Variants in PAPPA2 observed in about 807,000 individuals in gnomAD.
PAPPA2 encodes pappalysin 2.
A neutral mutation model predicts 176.4 loss-of-function variants in PAPPA2; 86 were observed. That is an observed-to-expected ratio of 0.49 (90% CI 0.41 to 0.58). The LOEUF is 0.58. Ranked by LOEUF, PAPPA2 falls within the 20% of genes least tolerant of loss-of-function variation. The probability of loss-of-function intolerance (pLI) is 0.00; values close to 1 mark genes in which losing one functional copy is unlikely to be tolerated. For missense variants in PAPPA2, 2,073 were observed against 2,256.9 expected (o/e 0.92, Z 1.65); for synonymous variants, 809 against 852.2 (o/e 0.95, Z 0.88).
chr1:176,550,032 C>T lies in PAPPA2; in HGVS notation c.-916-5375C>T, dbSNP rs76757896. ...TCCCCAACCTTCAGCCCTTAGTAAC[C>T]ACTGATCCATTCTCTGTTCTCAAGG... is the stretch of plus-strand genomic sequence containing the variant. On this transcript the variant is annotated intron_variant, in intron 1 of 22. Transcript: ENST00000367662. Among the ~76,000 whole-genome samples, 256 of 152,318 alleles carry T rather than the reference C, an allele frequency of 1.7e-3. 2 individuals carry two copies. The highest frequency in any genetic ancestry group is 5.9e-3 in the African/African-American group (246 of 41,572).
At chr1:176,702,861 G>A in intron 9 of PAPPA2, 126 bp downstream of exon 9, 2 of 1,306,588 alleles carry the variant, frequency 1.5e-6, no homozygotes, top group South Asian at 2.9e-5. Context: ...AGTTTGACTT[G>A]TTTTGGAAAT....
intron 4 of PAPPA2, among the ~76,000 whole-genome samples, chr1:176,678,243 T>C (rs1659404038): frequency 1.3e-5 from 2 of 152,146 alleles, no homozygotes; most frequent in East Asian, 3.8e-4. Context: ...CACACATTCT[T>C]AGAGTAACAC....
At chr1:176,536,031 T>G (rs1650049219) in intron 1 of PAPPA2, among the ~76,000 whole-genome samples, 1 of 152,116 alleles carries the variant, frequency 6.6e-6, no homozygotes, top group South Asian at 2.1e-4. Context: ...TGGAAGAAGC[T>G]CTCTGCTCCT....
intron 4 of PAPPA2, among the ~76,000 whole-genome samples, chr1:176,672,630 G>A (rs1659076620): frequency 6.6e-6 from 1 of 151,938 alleles, no homozygotes; most frequent in South Asian, 2.1e-4. Context: ...AAACAGTGAT[G>A]AAAATCCACA....
Position 176,763,968 on chromosome 1 carries a change from C to T in PAPPA2, c.4152-1698C>T, listed in dbSNP as rs145086207. Among the ~76,000 whole-genome samples the T allele has an allele frequency of 1.1e-4, 17 of 152,266 alleles. No individual in the cohort carries two copies. The East Asian group carries it at 2.7e-3, about 24-fold the overall frequency. ...AGTCTGGGAAGTGCAAGAAGCATGA[C>T]GCTGGTGTATGCTCGGCTTTCTTGC... On this transcript the variant is annotated intron_variant, in intron 14 of 22. Transcript: ENST00000367662.
At chr1:176,565,747 C>T (rs957957009) in intron 2 of PAPPA2, among the ~76,000 whole-genome samples, 3 of 152,132 alleles carry the variant, frequency 2.0e-5, no homozygotes, top group African/African-American at 7.2e-5. Flanking sequence ...GGTTTGGCCA[C>T]TGTTAGCATC....
intron 3 of PAPPA2, among the ~76,000 whole-genome samples, chr1:176,669,135 G>T (rs887342736): frequency 6.6e-6 from 1 of 152,086 alleles, no homozygotes; most frequent in African/African-American, 2.4e-5. Flanking sequence ...AGTGCCTGAG[G>T]AGAAGAGAGA....
chr1:176,790,840 G>A (rs1042307517), intron 18 of PAPPA2, among the ~76,000 whole-genome samples: 10 of 152,176 alleles, frequency 6.6e-5, no homozygotes, highest in African/African-American at 2.4e-4. Flanking sequence ...AAAGGGAATA[G>A]AATTTTGGTG....
intron 12 of PAPPA2, among the ~76,000 whole-genome samples, chr1:176,725,429 C>T (rs1002798567): frequency 1.3e-5 from 2 of 152,108 alleles, no homozygotes; most frequent in Non-Finnish European, 2.9e-5. Flanking sequence ...GTAAACAATG[C>T]CTCATATGAA....
intron 20 of PAPPA2, among the ~76,000 whole-genome samples, chr1:176,796,685 T>C (rs1050473357): frequency 1.5e-4 from 22 of 151,460 alleles, no homozygotes; most frequent in Admixed American, 1.2e-3. Flanking sequence ...CTTTTTCTTT[T>C]TCTTTTCTTT....
intron 21 of PAPPA2, among the ~76,000 whole-genome samples, chr1:176,834,003 T>C (rs1667177380): frequency 6.6e-6 from 1 of 152,184 alleles, no homozygotes; most frequent in African/African-American, 2.4e-5. Flanking sequence ...TTTCTAGCAG[T>C]ACAGGAATAA....
rs540575438 is a variant in PAPPA2 at position 176,466,973 on chromosome 1, C to T, written c.-917+3555C>T. 1.4e-4 allele frequency among the ~76,000 whole-genome samples: 22 copies of T among 152,166 alleles called. No homozygotes were observed. The South Asian group carries it at 3.9e-3, about 27-fold the overall frequency. ...CCATATGGGAGGTCCAACCCTTCTG[C>T]GAAACAGTCATGTATCGCTTAATGA... On this transcript the variant is annotated intron_variant, in intron 1 of 22. Coordinates refer to ENST00000367662, the MANE Select transcript of PAPPA2 (RefSeq NM_020318.3).
At chr1:176,495,785 A>C (rs907765009) in intron 1 of PAPPA2, among the ~76,000 whole-genome samples, 1 of 149,754 alleles carries the variant, frequency 6.7e-6, no homozygotes, top group Non-Finnish European at 1.5e-5. Flanking sequence ...AAAATAAATA[A>C]ATTTTGGTGT....
At chr1:176,827,851 A>G (rs1666918984) in intron 21 of PAPPA2, among the ~76,000 whole-genome samples, 1 of 152,174 alleles carries the variant, frequency 6.6e-6, no homozygotes, top group African/African-American at 2.4e-5. Context: ...TGTATAGAGT[A>G]ATTTTGGCAA....
intron 1 of PAPPA2, among the ~76,000 whole-genome samples, chr1:176,490,025 C>A (rs181884059): frequency 9.7e-4 from 148 of 152,222 alleles, no homozygotes; most frequent in African/African-American, 3.3e-3. Context: ...AGACCAGACT[C>A]CAGGAAAACA....
At chr1:176,796,254 C>T (rs574090093) in intron 20 of PAPPA2, among the ~76,000 whole-genome samples, 33 of 152,236 alleles carry the variant, frequency 2.2e-4, no homozygotes, top group African/African-American at 7.0e-4. Flanking sequence ...TAGACAAGAG[C>T]GTCTTGGAGG....
chr1:176,810,931 C>T (rs895903502), intron 21 of PAPPA2, among the ~76,000 whole-genome samples: 3 of 152,206 alleles, frequency 2.0e-5, no homozygotes, highest in African/African-American at 7.2e-5. Context: ...TCCCGAATCT[C>T]TTTCCTTTCT....
At chr1:176,689,610 G>GAGTTCCC (rs1660007362) in intron 4 of PAPPA2, among the ~76,000 whole-genome samples, 1 of 152,196 alleles carries the variant, frequency 6.6e-6, no homozygotes, top group African/African-American at 2.4e-5. Context: ...CAACAAAACT[G>GAGTTCCC]AGTTCCAGGA....
chr1:176,735,692 CTAT>C (rs1558551386), intron 12 of PAPPA2, among the ~76,000 whole-genome samples: 3 of 122,146 alleles, frequency 2.5e-5, no homozygotes, highest in Admixed American at 8.3e-5. Flanking sequence ...ATCTATCTAT[CTAT>C]CTATCTATCT....
Sources: gnomAD v4.1 joint callset for allele counts (sites outside exome capture counted in the v4.1 genomes callset) on GRCh38, gnomAD v4.1.1 for gene constraint, MANE v1.5 for transcripts, NCBI Gene and HGNC (gene_info 2026-07-23, HGNC 2026-07-21) for gene names.